FAT2: variants seen among roughly 807,000 people sequenced by gnomAD.
FAT2 encodes the protein FAT atypical cadherin 2.
In FAT2, 150 loss-of-function variants were observed where a neutral mutation model predicts 295.3. The observed-to-expected ratio is 0.51, with a 90% CI of 0.44 to 0.58. FAT2 has a LOEUF of 0.58. Ranked by LOEUF, FAT2 falls within the 20% of genes least tolerant of loss-of-function variation. The pLI, the probability that FAT2 is intolerant of heterozygous loss-of-function variation, is 0.00. For synonymous variants in FAT2, 2,026 were observed against 2,150.3 expected (o/e 0.94, Z 1.60); for missense variants, 4,868 against 5,442.7 (o/e 0.89, Z 3.32).
Position 151,567,289 on chromosome 5 carries a change from A to G in FAT2, c.1643T>C (p.Val548Ala), listed in dbSNP as rs767465565. 1.1e-5 allele frequency: 18 copies of G among 1,614,108 alleles called. No individual in the cohort carries two copies. Among genetic ancestry groups the G allele is most frequent in the Admixed American group, 3.3e-5 (2 of 60,010 alleles). The change falls in exon 2 of 24, where the codon GTG (valine) becomes GCG (alanine). Residue 548 changes from valine to alanine, a missense_variant. This residue lies in a region of FAT2 where 3,297 missense variants were observed against 3,669.4 expected (regional missense o/e 0.90). Transcript: ENST00000261800. ...GTTCCTGAGCTGAAGAAAAATGGAC[A>G]CTTCCTTCTCCCGGCGAAAAGGGGA... ...WGSPFRREKE[V>A]SIFLQLRNLN...
chr5:151,559,337 G>T (rs1306771396), intron 3 of FAT2, among the ~76,000 whole-genome samples: 1 of 152,194 alleles, frequency 6.6e-6, no homozygotes, highest in Non-Finnish European at 1.5e-5. Flanking sequence ...AGTCAAAGAA[G>T]GAGGACAAGT....
intron 19 of FAT2, among the ~76,000 whole-genome samples, chr5:151,519,997 G>A (rs959299546): frequency 2.0e-5 from 3 of 152,204 alleles, no homozygotes; most frequent in Non-Finnish European, 2.9e-5. Context: ...CTGATGCCAG[G>A]TGGCTGAGAG....
In FAT2 at chr5:151,519,172, C is replaced by T. The variant is rs369601688; in HGVS notation, c.11318-1407G>A. On this transcript the variant is annotated intron_variant, in intron 19 of 23. Coordinates refer to ENST00000261800, the MANE Select transcript of FAT2 (RefSeq NM_001447.3). Reference sequence around the variant, plus strand: ...CAGCCTGGTCAACGTGGTGAAACCCCGTCTCTACTAAAAATACAAAAATTA... The same window carrying T: ...CAGCCTGGTCAACGTGGTGAAACCCTGTCTCTACTAAAAATACAAAAATTA... Among the ~76,000 whole-genome samples, 74 of 152,236 alleles carry T rather than the reference C, an allele frequency of 4.9e-4. No homozygotes were observed. The South Asian group carries it at 0.013, about 26-fold the overall frequency.
At chr5:151,508,807 G>A (rs77839334) in intron 22 of FAT2, among the ~76,000 whole-genome samples, 1,574 of 152,158 alleles carry the variant, frequency 0.01, 28 homozygotes, top group African/African-American at 0.036. Flanking sequence ...GCTGTAAAAT[G>A]AGTGGGTGAA....
At chr5:151,562,650 C>T (rs10054406) in intron 3 of FAT2, among the ~76,000 whole-genome samples, 72,652 of 152,038 alleles carry the variant, frequency 0.48, 17,607 homozygotes, top group Non-Finnish European at 0.53. Context: ...CAACCAGAAA[C>T]CTGGAATGTT....
At chr5:151,550,075 A>G (rs1180765709) in intron 8 of FAT2, among the ~76,000 whole-genome samples, 2 of 152,176 alleles carry the variant, frequency 1.3e-5, no homozygotes, top group Non-Finnish European at 2.9e-5. Flanking sequence ...AGATGAGACA[A>G]ATGGGCAGGG....
rs570284156 is a variant in FAT2 at position 151,539,716 on chromosome 5, A to T, written c.9039+851T>A. Among the ~76,000 whole-genome samples, 13 of 152,338 alleles carry T rather than the reference A, an allele frequency of 8.5e-5. No individual in the cohort carries two copies. In the South Asian group the frequency reaches 1.4e-3, roughly 17 times the overall value. On this transcript the variant is annotated intron_variant, in intron 11 of 23. Transcript: ENST00000261800. ...AGTTAAAAACTACTTACTGTGTTTT[A>T]AAAAATATGTTTAAAAGCAAAGCTC...
At chr5:151,517,581 G>T in intron 20 of FAT2, 39 bp downstream of exon 20, 1 of 1,612,158 alleles carries the variant, frequency 6.2e-7, no homozygotes, top group Non-Finnish European at 8.5e-7. Context: ...CCCAGCCTGG[G>T]ACACCCACAT....
intron 12 of FAT2, among the ~76,000 whole-genome samples, chr5:151,537,196 A>G (rs912933514): frequency 2.6e-4 from 39 of 150,604 alleles, no homozygotes; most frequent in East Asian, 2.0e-4. Context: ...AGAGAGAGAG[A>G]GAGAAAGAAG....
At position 151,568,401 on chromosome 5, in the gene FAT2, T is replaced by C. The variant is rs767549799; in HGVS notation, c.531A>G (p.Leu177=). ...CATAATAGAACTCAGCATTCTGGCC[T>C]AGATCAGCATCTGTGGCAGTCACCT... ...ICKVTATDAD[L]GQNAEFYYAF... The change falls in exon 2 of 24, where the codon CTA becomes CTG. Residue 177 remains leucine (L), a synonymous_variant. Transcript: ENST00000261800. 2.7e-5 allele frequency: 44 copies of C among 1,614,128 alleles called. No homozygotes were observed. In the South Asian group the frequency reaches 4.6e-4, roughly 17 times the overall value.
intron 8 of FAT2, 55 bp from the exon 9 acceptor site, chr5:151,549,560 G>A (rs1388198073): frequency 7.3e-6 from 11 of 1,516,674 alleles, no homozygotes; most frequent in Non-Finnish European, 9.1e-6. Flanking sequence ...GGAGGAGGCA[G>A]GGTTAGGGTA....
chr5:151,519,886 C>T (rs1753264123), intron 19 of FAT2, among the ~76,000 whole-genome samples: 2 of 152,258 alleles, frequency 1.3e-5, no homozygotes, highest in South Asian at 4.1e-4. Flanking sequence ...TCAGAACCTT[C>T]TAAATTAAAA....
intron 14 of FAT2, 100 bp from the exon 15 acceptor site, chr5:151,529,492 G>T: frequency 2.2e-6 from 2 of 926,916 alleles, no homozygotes; most frequent in Non-Finnish European, 3.4e-6. Flanking sequence ...AGCTCAACAG[G>T]GCTAGGCAAG....
chr5:151,544,163 A>T lies in FAT2; in HGVS notation c.6964T>A (p.Phe2322Ile). The T allele has an allele frequency of 6.2e-7, 1 of 1,614,238 alleles. No homozygotes were observed. Among genetic ancestry groups the T allele is most frequent in the African/African-American group, 1.3e-5 (1 of 75,062 alleles). Residue 2322 changes from phenylalanine (F) to isoleucine (I), a missense_variant, in exon 10 of 24, where the codon TTC becomes ATC. Physicochemically the swap from Phe to Ile is conservative, Grantham distance 21 (BLOSUM62 0). Transcript: ENST00000261800. ...VEDGSDVSKFFQINGSTGEMS... is the reference protein window; with the variant it reads ...VEDGSDVSKFIQINGSTGEMS... The stretch of plus-strand genomic sequence containing the variant: ...TCCCCTGTGCTCCCATTGATCTGGA[A>T]GAACTTGGAAACATCTGAGCCATCC...
intron 11 of FAT2, 100 bp from the exon 12 acceptor site, chr5:151,538,046 A>AG: frequency 1.0e-6 from 1 of 990,002 alleles, no homozygotes; most frequent in South Asian, 1.8e-5. Context: ...GCAGAAAGAG[A>AG]GACACTAAGA....
rs149865780 is a variant in FAT2, at chr5:151,505,761, C to T, written c.12854G>A (p.Gly4285Glu). The T allele has an allele frequency of 2.0e-5, 33 of 1,613,806 alleles. No individual in the cohort carries two copies. In the South Asian group the frequency reaches 2.7e-4, roughly 13 times the overall value. Residue 4285 changes from glycine to glutamate, a missense_variant, in exon 24 of 24, where the codon GGG becomes GAG. Physicochemically the swap from Gly to Glu is moderately conservative, Grantham distance 98. Around this residue, in one of 5 missense-constraint regions of FAT2, gnomAD observed 492 missense variants for 482.6 expected, o/e 1.02. Transcript: ENST00000261800. ...CCCGTCTGCCAGGCAGGGCCCTCCC[C>T]CTCCCTGCCGGAACTGCGAGTGGTA... ...SYYHSQFRQG[G>E]GGPCLADGGY...
At position 151,565,903 on chromosome 5, in the gene FAT2, C is replaced by T. The variant is rs375169250; in HGVS notation, c.3029G>A (p.Arg1010His). 4.3e-5 allele frequency: 70 copies of T among 1,613,804 alleles called. No individual in the cohort carries two copies. The highest frequency in any genetic ancestry group is 5.3e-5 in the Non-Finnish European group (63 of 1,180,004). The change falls in exon 2 of 24, where the codon CGC becomes CAC. Residue 1010 changes from arginine to histidine, a missense_variant. Transcript: ENST00000261800. Reference sequence around the variant, plus strand: ...CACCTCCACATGGCAGAGAGTCCTGCGGGCTAGGGGCCTCCCACCATCACT... The same window carrying T: ...CACCTCCACATGGCAGAGAGTCCTGTGGGCTAGGGGCCTCCCACCATCACT... ...WASDGGRPLA[R>H]RTLCHVEVIV...
Position 151,543,121 on chromosome 5 carries a change from G to C in FAT2, c.8006C>G (p.Pro2669Arg), listed in dbSNP as rs201521198. 5 of 1,614,180 alleles carry C rather than the reference G, an allele frequency of 3.1e-6. No individual in the cohort carries two copies. The highest frequency in any genetic ancestry group is 3.4e-6 in the Non-Finnish European group (4 of 1,180,026). The change falls in exon 10 of 24, where the codon CCT becomes CGT. Residue 2669 changes from proline to arginine, a missense_variant. This residue lies in a region of FAT2 where 3,297 missense variants were observed against 3,669.4 expected (regional missense o/e 0.90). Transcript: ENST00000261800. ...FFIKAQDGGP[P>R]HWNSLVPVRL... Reference sequence around the variant, plus strand: ...TACTGGCACCAGAGAGTTCCAGTGAGGAGGGCCTCCATCTTGGGCTTTGAT... The same window carrying C: ...TACTGGCACCAGAGAGTTCCAGTGACGAGGGCCTCCATCTTGGGCTTTGAT...
chr5:151,505,797 G>A lies in FAT2; in HGVS notation c.12818C>T (p.Ala4273Val), dbSNP rs770756961. The A allele has an allele frequency of 6.2e-7, 1 of 1,614,010 alleles. No individual in the cohort carries two copies. Among genetic ancestry groups the A allele is most frequent in the Non-Finnish European group, 8.5e-7 (1 of 1,179,968 alleles). The change falls in exon 24 of 24, where the codon GCC (alanine) becomes GTC (valine). Residue 4273 changes from alanine to valine, a missense_variant. By Grantham distance (64) the Ala-to-Val change is moderately conservative. Around this residue, in one of 5 missense-constraint regions of FAT2, gnomAD observed 492 missense variants for 482.6 expected, o/e 1.02. Transcript: ENST00000261800. ...GAACTGCGAGTGGTAGTAGCTGATG[G>A]CCGTGTACTCATTGAGACAGGGGGC... The part of the protein sequence containing the change: ...LVAPCLNEYT[A>V]ISYYHSQFRQ...
Sources: allele counts gnomAD v4.1 joint callset (sites outside exome capture counted in the v4.1 genomes callset), GRCh38; gene constraint gnomAD v4.1.1; regional missense constraint gnomAD v4.1.1; transcripts MANE v1.5; gene names NCBI Gene and HGNC (gene_info 2026-07-23, HGNC 2026-07-21).